Variants in SMPD3 observed in about 807,000 individuals in gnomAD.
SMPD3 encodes the protein sphingomyelin phosphodiesterase 3.
SMPD3 carries 21 observed loss-of-function variants against 55.7 expected under a neutral mutation model. The observed-to-expected ratio is 0.38, with a 90% confidence interval of 0.27 to 0.54. The LOEUF (loss-of-function observed/expected upper bound fraction) is 0.54, where lower values mean the gene tolerates loss of function less well. Among genes scored for constraint, SMPD3 ranks in the 20% least tolerant of loss-of-function variants. The pLI is 0.80. For synonymous variants in SMPD3, 457 were observed against 404.3 expected, an observed-to-expected ratio of 1.13 and a Z score of -1.56; for missense variants, 842 against 899.6, an observed-to-expected ratio of 0.94 and a Z score of 0.82.
At chr16:68,373,691 G>A (rs1348319062) in intron 2 of SMPD3, among the ~76,000 whole-genome samples, 1 of 152,156 alleles carries the variant, frequency 6.6e-6, no homozygotes, top group Non-Finnish European at 1.5e-5. Flanking sequence ...ACTGCATCAC[G>A]GTTCCCCAAC....
intron 3 of SMPD3, among the ~76,000 whole-genome samples, chr16:68,366,009 T>C (rs922768924): frequency 2.0e-5 from 3 of 152,104 alleles, no homozygotes; most frequent in African/African-American, 7.2e-5. Context: ...CCCCTGCCCC[T>C]GGGATTCCTT....
chr16:68,384,654 T>G (rs1222686850), intron 2 of SMPD3, among the ~76,000 whole-genome samples: 1 of 151,976 alleles, frequency 6.6e-6, no homozygotes, highest in African/African-American at 2.4e-5. Context: ...GGGGGTAAGG[T>G]GCTCCCCCAC....
At chr16:68,389,816 C>G (rs769447133) in intron 1 of SMPD3, among the ~76,000 whole-genome samples, 2 of 152,200 alleles carry the variant, frequency 1.3e-5, no homozygotes, top group Non-Finnish European at 2.9e-5. Context: ...AAGGGGTTAC[C>G]TTTAAGTCCC....
intron 1 of SMPD3, among the ~76,000 whole-genome samples, chr16:68,433,052 C>A (rs568454720): frequency 6.6e-6 from 1 of 152,290 alleles, no homozygotes; most frequent in Middle Eastern, 3.4e-3. Flanking sequence ...GACTCTCCTG[C>A]CTTGGCCTCC....
At chr16:68,402,235 T>C (rs1020161585) in intron 1 of SMPD3, among the ~76,000 whole-genome samples, 11 of 152,170 alleles carry the variant, frequency 7.2e-5, no homozygotes, top group African/African-American at 2.4e-4. Flanking sequence ...ATACAGCACC[T>C]CACCTCTGCA....
At chr16:68,442,973 A>C (rs2090579111) in intron 1 of SMPD3, among the ~76,000 whole-genome samples, 1 of 152,236 alleles carries the variant, frequency 6.6e-6, no homozygotes, top group Admixed American at 6.5e-5. Context: ...ATGGAGACTC[A>C]GCTTGATATG....
chr16:68,389,912 A>C (rs954217675), intron 1 of SMPD3, among the ~76,000 whole-genome samples: 3 of 152,254 alleles, frequency 2.0e-5, no homozygotes, highest in Non-Finnish European at 4.4e-5. Flanking sequence ...GTGAGTCCAC[A>C]CAGTAAAGTG....
At chr16:68,426,401 C>A (rs1008670657) in intron 1 of SMPD3, among the ~76,000 whole-genome samples, 1 of 152,154 alleles carries the variant, frequency 6.6e-6, no homozygotes, top group South Asian at 2.1e-4. Context: ...CCTGGTCACA[C>A]TGACAACCAG....
chr16:68,375,152 C>G (rs986142153), intron 2 of SMPD3, among the ~76,000 whole-genome samples: 6 of 152,174 alleles, frequency 3.9e-5, no homozygotes, highest in African/African-American at 1.4e-4. Flanking sequence ...AGCCACAGCC[C>G]CAAGCCCACC....
In SMPD3 at chr16:68,363,519, C is replaced by T. The variant is rs753760032; in HGVS notation, c.1686G>A (p.Val562=). The T allele has an allele frequency of 8.1e-6, 13 of 1,613,910 alleles. No homozygotes were observed. The African/African-American group carries it at 1.2e-4, about 15-fold the overall frequency. The stretch of plus-strand genomic sequence containing the variant: ...ACTTCTGCAGGTTGTCGGGGGTGCA[C>T]ACATCCTCATCGTACAGGCCGTTCG... The part of the protein sequence containing the change: ...LDTNGLYDED[V]CTPDNLQKVL... Residue 562 remains valine, a synonymous_variant, in exon 7 of 9, where the codon GTG becomes GTA. Coordinates refer to ENST00000219334, the MANE Select transcript of SMPD3 (RefSeq NM_018667.4).
In SMPD3 at chr16:68,371,058, T is replaced by C. The variant is rs1567783357; in HGVS notation, c.1124A>G (p.Lys375Arg). Reference sequence around the variant, plus strand: ...CTCGAAGTAGCCGTGCAGCTGCTCTTTCAATTTGGTGGCTGCTCGCTTGTC... The same window carrying C: ...CTCGAAGTAGCCGTGCAGCTGCTCTCTCAATTTGGTGGCTGCTCGCTTGTC... ...VFDKRAATKLKEQLHGYFEYI... is the reference protein window; with the variant it reads ...VFDKRAATKLREQLHGYFEYI... The change falls in exon 3 of 9, where the codon AAA (lysine) becomes AGA (arginine). Residue 375 changes from lysine (K) to arginine (R), a missense_variant. Around this residue, in one of 2 missense-constraint regions of SMPD3, gnomAD observed 649 missense variants for 643.6 expected, o/e 1.01. Transcript: ENST00000219334. 2 of 1,614,030 alleles carry C rather than the reference T, an allele frequency of 1.2e-6. No homozygotes were observed. The highest frequency in any genetic ancestry group is 1.7e-5 in the Admixed American group (1 of 60,006).
intron 1 of SMPD3, among the ~76,000 whole-genome samples, chr16:68,441,575 C>G (rs930292550): frequency 4.6e-5 from 7 of 151,802 alleles, no homozygotes; most frequent in African/African-American, 1.7e-4. Flanking sequence ...ATTACTAATG[C>G]AACATTTTAC....
chr16:68,416,443 C>T (rs2090340470), intron 1 of SMPD3, among the ~76,000 whole-genome samples: 1 of 152,194 alleles, frequency 6.6e-6, no homozygotes, highest in South Asian at 2.1e-4. Flanking sequence ...TGGGTTTCTC[C>T]CTAATCCCTC....
intron 8 of SMPD3, 94 bp downstream of exon 8, chr16:68,361,509 G>A: frequency 6.5e-7 from 1 of 1,530,576 alleles, no homozygotes. Context: ...GTGGCCTGGG[G>A]CGTGGGGTTT....
chr16:68,365,722 C>G (rs1430445942), intron 3 of SMPD3, among the ~76,000 whole-genome samples: 1 of 152,194 alleles, frequency 6.6e-6, no homozygotes, highest in Non-Finnish European at 1.5e-5. Context: ...ACCCCTGGCT[C>G]CATCCTGAGC....
At chr16:68,375,361 G>T (rs150689570) in intron 2 of SMPD3, among the ~76,000 whole-genome samples, 2 of 152,174 alleles carry the variant, frequency 1.3e-5, no homozygotes, top group Non-Finnish European at 2.9e-5. Flanking sequence ...GAGCCCTGGC[G>T]TGAGGACACT....
intron 1 of SMPD3, among the ~76,000 whole-genome samples, chr16:68,420,531 G>T (rs1188721366): frequency 6.6e-6 from 1 of 152,222 alleles, no homozygotes; most frequent in Non-Finnish European, 1.5e-5. Context: ...TGCCCAGCAG[G>T]GAGGGGCGTT....
In SMPD3 at chr16:68,371,692, G is replaced by A. The variant is rs1479341723; in HGVS notation, c.490C>T (p.Arg164Trp). ...TCGATGTAAATTTTGATCTGGGGCC[G>A]GGCGGCCCCATTGCGGATTCTCTGC... ...IGQRIRNGAA[R>W]PQIKIYIDSP... is the part of the protein sequence containing the mutation. The change falls in exon 3 of 9, where the codon CGG (arginine) becomes TGG (tryptophan). Residue 164 changes from arginine to tryptophan, a missense_variant. Physicochemically the swap from Arg to Trp is moderately radical, Grantham distance 101 (BLOSUM62 -3). Transcript: ENST00000219334. The A allele has an allele frequency of 2.5e-6, 4 of 1,576,544 alleles. No individual in the cohort carries two copies. Among genetic ancestry groups the A allele is most frequent in the African/African-American group, 1.4e-5 (1 of 73,520 alleles).
intron 2 of SMPD3, among the ~76,000 whole-genome samples, chr16:68,378,098 G>C (rs887366000): frequency 6.4e-4 from 98 of 152,342 alleles, no homozygotes; most frequent in African/African-American, 1.9e-3. Flanking sequence ...AGAGCAGAGA[G>C]GCCTCCTCTG....
Sources: gnomAD v4.1 joint callset for allele counts (sites outside exome capture counted in the v4.1 genomes callset) on GRCh38, gnomAD v4.1.1 for gene constraint, gnomAD v4.1.1 regional missense constraint, MANE v1.5 for transcripts, NCBI Gene and HGNC (gene_info 2026-07-23, HGNC 2026-07-21) for gene names.